The following SPATA9 variants were observed in gnomAD, a reference collection of about 807,000 sequenced individuals.
The protein encoded by SPATA9 is spermatogenesis associated 9.
A neutral mutation model predicts 25.5 loss-of-function variants in SPATA9; 27 were observed. The observed-to-expected ratio is 1.06, with a 90% CI of 0.78 to 1.46. The LOEUF (loss-of-function observed/expected upper bound fraction) is 1.46, where lower values mean the gene tolerates loss of function less well. SPATA9 is among the 40% of genes most tolerant of loss of function. The pLI, the probability that SPATA9 is intolerant of heterozygous loss-of-function variation, is 0.00. For missense variants in SPATA9, 282 were observed against 297.5 expected (o/e 0.95, Z 0.38); for synonymous variants, 102 against 105.7 (o/e 0.97, Z 0.21).
In SPATA9 at chr5:95,682,898, G is replaced by T. The variant is rs770734550; in HGVS notation, c.-44C>A. ...TTCCTAGTCCTTAACAAGCTTGCAG[G>T]CCTGGGTAATGCTTGTCCTAGTCTG... On this transcript the variant is annotated 5_prime_UTR_variant, in exon 1 of 5. Coordinates refer to ENST00000274432, the MANE Select transcript of SPATA9 (RefSeq NM_031952.4). 48 of 1,478,674 alleles carry T rather than the reference G, an allele frequency of 3.2e-5. No individual in the cohort carries two copies. The highest frequency in any genetic ancestry group is 1.5e-4 in the Admixed American group (6 of 40,574). The allele number at this position is 1,478,674 out of a possible 1,614,324, so 91.6% of individuals were successfully genotyped here. A position where few individuals can be genotyped will look rare whatever the true frequency, so the allele number is the denominator to read the frequency against.
At chr5:95,683,263 T>C (rs1406401470), upstream of SPATA9, among the ~76,000 whole-genome samples, 1 of 152,198 alleles carries the variant, frequency 6.6e-6, no homozygotes, top group Non-Finnish European at 1.5e-5. Context: ...GCTTTATATA[T>C]GATGCCAAAT....
At chr5:95,691,667 T>C (rs1753897188) in intron 1 of SPATA9, among the ~76,000 whole-genome samples, 1 of 152,204 alleles carries the variant, frequency 6.6e-6, no homozygotes, top group Non-Finnish European at 1.5e-5. Context: ...TCTCTTCTTT[T>C]TCCATGTTAA....
the SPATA9 span, chr5:95,731,465 C>T: frequency 8.2e-7 from 1 of 1,219,088 alleles, no homozygotes; most frequent in South Asian, 3.8e-5. Context: ...GTAGCGGCAG[C>T]TTATCCCCCG....
At chr5:95,656,011 T>C (rs377255968), downstream of SPATA9, 16 of 1,596,434 alleles carry the variant, frequency 1.0e-5, no homozygotes, top group African/African-American at 2.0e-4. Context: ...ACATTTGACA[T>C]GTCAGAATAT....
chr5:95,676,556 A>T (rs1752966515), intron 2 of SPATA9, among the ~76,000 whole-genome samples: 1 of 152,138 alleles, frequency 6.6e-6, no homozygotes, highest in South Asian at 2.1e-4. Flanking sequence ...TTACTCTTCT[A>T]TATCTGTCAA....
the SPATA9 span, among the ~76,000 whole-genome samples, chr5:95,715,064 A>G: frequency 1.6e-4 from 24 of 152,096 alleles, no homozygotes; most frequent in African/African-American, 2.2e-4. Context: ...GGTGGCTAAT[A>G]CCTGTAATCC....
At chr5:95,724,948 G>T in the SPATA9 span, among the ~76,000 whole-genome samples, 1 of 152,042 alleles carries the variant, frequency 6.6e-6, no homozygotes, top group Non-Finnish European at 1.5e-5. Context: ...AGCTACTTGG[G>T]AGGCTGAGGT....
the SPATA9 span, among the ~76,000 whole-genome samples, chr5:95,728,846 A>C: frequency 6.6e-6 from 1 of 152,224 alleles, no homozygotes; most frequent in African/African-American, 2.4e-5. Context: ...GAAGCCGGCC[A>C]AAACCCACCA....
intron 3 of SPATA9, among the ~76,000 whole-genome samples, chr5:95,673,224 A>G (rs530897359): frequency 2.0e-5 from 3 of 152,268 alleles, no homozygotes; most frequent in Non-Finnish European, 2.9e-5. Context: ...CTGTGATGCA[A>G]CGTACTGTGT....
the SPATA9 span, among the ~76,000 whole-genome samples, chr5:95,720,586 T>C: frequency 6.6e-6 from 1 of 152,192 alleles, no homozygotes; most frequent in Non-Finnish European, 1.5e-5. Flanking sequence ...TAATGAGTAC[T>C]ACAATGCTTG....
chr5:95,652,923 A>C (rs948935748), downstream of SPATA9: 29 of 683,146 alleles, frequency 4.2e-5, no homozygotes, highest in Non-Finnish European at 6.4e-5. Flanking sequence ...TCTTTCAAAA[A>C]GAAATCAATT....
intron 2 of SPATA9, among the ~76,000 whole-genome samples, chr5:95,681,635 C>A (rs1753469608): frequency 6.6e-6 from 1 of 152,130 alleles, no homozygotes; most frequent in Non-Finnish European, 1.5e-5. Context: ...TCTCTCCAGT[C>A]CCAAGCAATA....
At chr5:95,699,550 C>A (rs982757218), upstream of SPATA9, among the ~76,000 whole-genome samples, 32 of 152,054 alleles carry the variant, frequency 2.1e-4, no homozygotes, top group African/African-American at 7.5e-4. Flanking sequence ...AATGCTAACA[C>A]AGTAGCCATA....
chr5:95,721,514 CA>C, the SPATA9 span, among the ~76,000 whole-genome samples: 1 of 151,708 alleles, frequency 6.6e-6, no homozygotes, highest in African/African-American at 2.4e-5. Context: ...TAAATATAGC[CA>C]GGGGAAAGAA....
At chr5:95,659,663 G>C (rs1361314209) in intron 4 of SPATA9, 1 of 152,120 alleles carries the variant, frequency 6.6e-6, no homozygotes, top group African/African-American at 2.4e-5. Context: ...TAAACACTTA[G>C]AAGGTTTTCC....
At chr5:95,683,881 C>A (rs1370149440), upstream of SPATA9, among the ~76,000 whole-genome samples, 2 of 152,138 alleles carry the variant, frequency 1.3e-5, no homozygotes, top group Non-Finnish European at 2.9e-5. Context: ...GTTGGTTAAC[C>A]TGAATCCCAT....
downstream of SPATA9, among the ~76,000 whole-genome samples, chr5:95,654,797 G>A (rs1487623494): frequency 6.6e-6 from 1 of 151,974 alleles, no homozygotes; most frequent in African/African-American, 2.4e-5. Context: ...GTCATAGGAT[G>A]ATAATAGTCT....
At chr5:95,713,938 G>T in the SPATA9 span, among the ~76,000 whole-genome samples, 1 of 151,982 alleles carries the variant, frequency 6.6e-6, no homozygotes, top group Non-Finnish European at 1.5e-5. Context: ...AATTTTGTAT[G>T]CAAAGTATAC....
At chr5:95,684,046 G>A (rs181184310), upstream of SPATA9, among the ~76,000 whole-genome samples, 25 of 152,144 alleles carry the variant, frequency 1.6e-4, no homozygotes, top group Admixed American at 5.2e-4. Context: ...AAAATCCCCA[G>A]CTCTCATGGT....
Sources: allele counts gnomAD v4.1 joint callset (sites outside exome capture counted in the v4.1 genomes callset), GRCh38; gene constraint gnomAD v4.1.1; transcripts MANE v1.5; gene names NCBI Gene and HGNC (gene_info 2026-07-23, HGNC 2026-07-21).